ACAD10: variants seen among roughly 807,000 people sequenced by gnomAD.
ACAD10 encodes acyl-CoA dehydrogenase family member 10.
In ACAD10, 112 loss-of-function variants were observed where a neutral mutation model predicts 116.8. The ratio of observed to expected loss-of-function variants is 0.96; its 90% CI spans 0.82 to 1.12. The LOEUF is 1.12. ACAD10 is among the 50% of genes most tolerant of loss of function. ACAD10 has a pLI of 0.00. For missense variants in ACAD10, 1,259 were observed against 1,350.2 expected (o/e 0.93, Z 1.06); for synonymous variants, 486 against 510.6 (o/e 0.95, Z 0.65).
intron 12 of ACAD10, among the ~76,000 whole-genome samples, chr12:111,738,256 C>T (rs1889632348): frequency 6.6e-6 from 1 of 152,018 alleles, no homozygotes; most frequent in South Asian, 2.1e-4. Context: ...ATCCAGCCTA[C>T]CCAACATGGT....
intron 10 of ACAD10, among the ~76,000 whole-genome samples, chr12:111,730,877 G>A (rs911941219): frequency 6.6e-6 from 1 of 151,476 alleles, no homozygotes; most frequent in East Asian, 2.0e-4. Flanking sequence ...CCAGCCTCCC[G>A]AGCAGCTGGG....
rs562907236 is a variant in ACAD10, at chr12:111,724,477, G to A, written c.1061+2738G>A. Among the ~76,000 whole-genome samples the A allele has an allele frequency of 5.3e-5, 8 of 152,292 alleles. No homozygotes were observed. In the South Asian group the frequency reaches 1.0e-3, roughly 20 times the overall value. On this transcript the variant is annotated intron_variant, in intron 8 of 20. Coordinates refer to ENST00000313698, the MANE Select transcript of ACAD10 (RefSeq NM_025247.6). ...GCGGCTGGGAGGTGGAGGTTGTAGC[G>A]AGCCAAGATCACGCCACTGCACTCC...
intron 2 of ACAD10, among the ~76,000 whole-genome samples, chr12:111,697,281 C>T (rs753743159): frequency 1.1e-4 from 17 of 150,982 alleles, no homozygotes; most frequent in South Asian, 4.2e-4. Context: ...ATAATGATTT[C>T]GAAACTTCAA....
intron 3 of ACAD10, 112 bp from the exon 4 acceptor site, chr12:111,705,626 T>C: frequency 1.0e-6 from 1 of 973,840 alleles, no homozygotes; most frequent in South Asian, 1.7e-5. Flanking sequence ...GCCTGGGCTC[T>C]TGTAGCAGAG....
At chr12:111,743,070 A>G (rs531060001) in intron 12 of ACAD10, among the ~76,000 whole-genome samples, 1 of 152,368 alleles carries the variant, frequency 6.6e-6, no homozygotes, top group South Asian at 2.1e-4. Context: ...TTATCCATTT[A>G]TTGGGTACAG....
intron 19 of ACAD10, among the ~76,000 whole-genome samples, chr12:111,755,391 C>A (rs999133524): frequency 6.6e-6 from 1 of 152,142 alleles, no homozygotes; most frequent in South Asian, 2.1e-4. Flanking sequence ...CAGGCCTGAA[C>A]CACCGCGCCT....
At chr12:111,737,858 G>T (rs1374895382) in intron 12 of ACAD10, among the ~76,000 whole-genome samples, 1 of 151,968 alleles carries the variant, frequency 6.6e-6, no homozygotes, top group African/African-American at 2.4e-5. Flanking sequence ...GTGTGTGTGT[G>T]TGTGTGTGTG....
At chr12:111,734,166 G>A in intron 11 of ACAD10, 98 bp downstream of exon 11, 2 of 1,543,354 alleles carry the variant, frequency 1.3e-6, no homozygotes, top group African/African-American at 1.4e-5. Flanking sequence ...GGCGGGGGAA[G>A]TGAAAGTGAG....
intron 7 of ACAD10, among the ~76,000 whole-genome samples, chr12:111,718,934 G>A (rs56289818): frequency 6.6e-6 from 1 of 151,912 alleles, no homozygotes; most frequent in Admixed American, 6.6e-5. Context: ...GTGAAACCCT[G>A]TCTCTAATAA....
At chr12:111,750,962 G>A (rs1890057834) in intron 18 of ACAD10, among the ~76,000 whole-genome samples, 1 of 152,096 alleles carries the variant, frequency 6.6e-6, no homozygotes, top group African/African-American at 2.4e-5. Flanking sequence ...TAAGTAAAAC[G>A]CTCCTGTCTA....
rs376700690 is a variant in ACAD10, at chr12:111,749,259, C to T, written c.2731C>T (p.Gln911Ter). 2 of 1,614,142 alleles carry T rather than the reference C, an allele frequency of 1.2e-6. No homozygotes were observed. The highest frequency in any genetic ancestry group is 1.7e-6 in the Non-Finnish European group (2 of 1,180,032). Residue 911 changes from glutamine (Q) to a stop codon, truncating the protein, a stop_gained, in exon 18 of 21, where the codon CAG (glutamine) becomes TAG (stop). Transcript: ENST00000313698. LOFTEE classifies it high-confidence loss of function. ...LGPGRGFEIA[Q>*]GRLGPGRIHH... ...CCCTGGCCGAGGCTTTGAGATCGCC[C>T]AGGGCAGACTGGGCCCCGGCAGGAT...
intron 2 of ACAD10, among the ~76,000 whole-genome samples, chr12:111,696,440 A>G (rs1888192170): frequency 6.6e-6 from 1 of 152,214 alleles, no homozygotes; most frequent in Non-Finnish European, 1.5e-5. Context: ...CAAGAATAAT[A>G]TTTTGTGACA....
chr12:111,746,941 A>C (rs930265624), intron 14 of ACAD10, 108 bp from the exon 15 acceptor site: 10 of 1,434,738 alleles, frequency 7.0e-6, no homozygotes, highest in African/African-American at 4.3e-5. Context: ...TCGAGGCTGC[A>C]GTGAGCCATG....
intron 10 of ACAD10, among the ~76,000 whole-genome samples, chr12:111,732,298 A>G (rs888879710): frequency 6.6e-6 from 1 of 152,212 alleles, no homozygotes; most frequent in African/African-American, 2.4e-5. Flanking sequence ...AAATAAACCA[A>G]TTTGCTGTAC....
intron 5 of ACAD10, among the ~76,000 whole-genome samples, chr12:111,711,825 T>A (rs984583155): frequency 2.0e-5 from 3 of 152,376 alleles, no homozygotes; most frequent in South Asian, 2.1e-4. Flanking sequence ...CTAACATTTT[T>A]AAATATTTGC....
At chr12:111,747,512 G>A (rs1335088331) in intron 16 of ACAD10, 127 bp downstream of exon 16, 23 of 1,520,306 alleles carry the variant, frequency 1.5e-5, no homozygotes, top group East Asian at 2.3e-5. Context: ...GTCACTTAGC[G>A]CCCCCAGCAG....
At chr12:111,756,214 GCCACAGGGAAGT>G (rs1380542051) in intron 20 of ACAD10, 107 bp from the exon 21 acceptor site, 1 of 1,448,682 alleles carries the variant, frequency 6.9e-7, no homozygotes, top group African/African-American at 1.4e-5. Context: ...TCACATAGGT[GCCACAGGGAAGT>G]CCGGGAAGAT....
intron 8 of ACAD10, among the ~76,000 whole-genome samples, chr12:111,724,071 C>T (rs1226439492): frequency 6.6e-6 from 1 of 150,814 alleles, no homozygotes; most frequent in Non-Finnish European, 1.5e-5. Flanking sequence ...GATGTGATGG[C>T]GGCCGGGAAG....
At chr12:111,729,708 C>G in intron 9 of ACAD10, 98 bp from the exon 10 acceptor site, 1 of 1,435,852 alleles carries the variant, frequency 7.0e-7, no homozygotes, top group Non-Finnish European at 9.6e-7. Flanking sequence ...CCACCCAGTG[C>G]AGAGCATGAC....
Sources: gnomAD v4.1 joint callset for allele counts (sites outside exome capture counted in the v4.1 genomes callset) on GRCh38, gnomAD v4.1.1 for gene constraint, MANE v1.5 for transcripts, NCBI Gene and HGNC (gene_info 2026-07-23, HGNC 2026-07-21) for gene names.